Variants in CTNNA1 observed in about 807,000 individuals in gnomAD.
The protein encoded by CTNNA1 is catenin alpha-1.
Under a neutral mutation model 98.4 loss-of-function variants are expected in CTNNA1, and 37 were observed. The observed-to-expected ratio is 0.38, with a 90% CI of 0.29 to 0.49. The LOEUF (loss-of-function observed/expected upper bound fraction) is 0.49. CTNNA1 is among the 20% of genes least tolerant of loss of function. CTNNA1 has a pLI of 0.95. For synonymous variants in CTNNA1, 404 were observed against 413.2 expected (o/e 0.98, Z 0.27); for missense variants, 761 against 1,147.2 (o/e 0.66, Z 4.86).
chr5:138,824,421 G>A, intron 5 of CTNNA1, 109 bp from the exon 6 acceptor site: 1 of 1,155,774 alleles, frequency 8.7e-7, no homozygotes, highest in East Asian at 2.5e-5. Flanking sequence ...TGAAAATAAT[G>A]TGTCTAATTA....
intron 10 of CTNNA1, among the ~76,000 whole-genome samples, chr5:138,907,880 G>A (rs187563514): frequency 6.6e-6 from 1 of 152,242 alleles, no homozygotes; most frequent in African/African-American, 2.4e-5. Flanking sequence ...TTTGGAGTTG[G>A]CTCCTATATG....
chr5:138,817,575 A>G (rs376506468), intron 5 of CTNNA1, among the ~76,000 whole-genome samples: 1 of 152,142 alleles, frequency 6.6e-6, no homozygotes, highest in African/African-American at 2.4e-5. Context: ...ATGCTATCCT[A>G]TAAGTTTTGC....
chr5:138,849,496 C>T (rs1225056600), intron 7 of CTNNA1, among the ~76,000 whole-genome samples: 1 of 152,206 alleles, frequency 6.6e-6, no homozygotes, highest in Admixed American at 6.5e-5. Context: ...CTTTCCCTTT[C>T]ATGTTATAAC....
At chr5:138,840,322 T>A (rs1687711565) in intron 7 of CTNNA1, among the ~76,000 whole-genome samples, 1 of 152,166 alleles carries the variant, frequency 6.6e-6, no homozygotes, top group Admixed American at 6.5e-5. Flanking sequence ...AGTGGCAGTC[T>A]CCATTTCCAG....
At chr5:138,864,004 C>G (rs1322792602) in intron 7 of CTNNA1, among the ~76,000 whole-genome samples, 1 of 152,198 alleles carries the variant, frequency 6.6e-6, no homozygotes, top group African/African-American at 2.4e-5. Context: ...GCTCTGTTAT[C>G]TAGGCTGGAG....
At chr5:138,775,803 A>G (rs113209778) in intron 1 of CTNNA1, among the ~76,000 whole-genome samples, 1,788 of 143,404 alleles carry the variant, frequency 0.012, 42 homozygotes, top group African/African-American at 0.039. Context: ...GTTCACTGCA[A>G]CCTCCGCCTC....
chr5:138,766,796 A>G (rs1215667616), intron 1 of CTNNA1, among the ~76,000 whole-genome samples: 1 of 152,118 alleles, frequency 6.6e-6, no homozygotes, highest in Non-Finnish European at 1.5e-5. Flanking sequence ...GAGAAGCCCT[A>G]TACTTGTGAA....
intron 7 of CTNNA1, among the ~76,000 whole-genome samples, chr5:138,861,365 A>T (rs1339584662): frequency 6.6e-6 from 1 of 152,206 alleles, no homozygotes; most frequent in Non-Finnish European, 1.5e-5. Flanking sequence ...CGATCCTTAC[A>T]TGAAATAGTT....
At chr5:138,805,325 G>C (rs1179652599) in intron 3 of CTNNA1, among the ~76,000 whole-genome samples, 1 of 152,190 alleles carries the variant, frequency 6.6e-6, no homozygotes, top group East Asian at 1.9e-4. Context: ...ACCCTTTGAG[G>C]AACTGCCAGA....
intron 1 of CTNNA1, chr5:138,754,766 A>G (rs1751434348): frequency 6.6e-6 from 1 of 152,284 alleles, no homozygotes; most frequent in Non-Finnish European, 1.5e-5. Context: ...ACTTTTGAAC[A>G]AACATTTTTT....
intron 7 of CTNNA1, among the ~76,000 whole-genome samples, chr5:138,839,886 T>C (rs958681454): frequency 2.6e-5 from 4 of 152,260 alleles, no homozygotes; most frequent in African/African-American, 4.8e-5. Flanking sequence ...TCTGATTTTT[T>C]AGTCCAGAGA....
chr5:138,873,346 A>T lies in CTNNA1; in HGVS notation c.1063-12866A>T. 6.2e-7 allele frequency: 1 copy of T among 1,614,014 alleles called. No homozygotes were observed. Among genetic ancestry groups the T allele is most frequent in the African/African-American group, 1.3e-5 (1 of 75,074 alleles). On this transcript the variant is annotated intron_variant, in intron 7 of 17. Transcript: ENST00000302763. This position sits in a 1 kb window ranked among gnomAD's most constrained non-coding sequence, Gnocchi z 6.1. ...GTTCAGGAAAGTGTTCCTCGGTAGT[A>T]ACTGCTATGCCTGCAGTAGTTGGGA...
intron 13 of CTNNA1, among the ~76,000 whole-genome samples, chr5:138,928,947 A>AC (rs924680791): frequency 7.6e-4 from 115 of 151,996 alleles, no homozygotes; most frequent in Non-Finnish European, 1.3e-3. Flanking sequence ...AAGGAAAAAA[A>AC]AAAACAATCA....
At chr5:138,839,704 T>C (rs138297863) in intron 7 of CTNNA1, among the ~76,000 whole-genome samples, 1 of 152,352 alleles carries the variant, frequency 6.6e-6, no homozygotes, top group Non-Finnish European at 1.5e-5. Context: ...ACTCCATGTG[T>C]TCTGCTCAGG....
rs74981057 is a variant in CTNNA1 at position 138,835,527 on chromosome 5, A to G, written c.1062+7809A>G. ...AGCTTTTCTGTGAGCTGCCTAATAA[A>G]CAGGATTTGGGAGAGTTTATATAAG... On this transcript the variant is annotated intron_variant, in intron 7 of 17. Coordinates refer to ENST00000302763, the MANE Select transcript of CTNNA1 (RefSeq NM_001903.5). Among the ~76,000 whole-genome samples, 1,258 of 152,362 alleles carry G rather than the reference A, an allele frequency of 8.3e-3. 8 individuals carry two copies. The highest frequency in any genetic ancestry group is 0.012 in the Non-Finnish European group (841 of 68,026).
rs192908130 is a variant in CTNNA1, at chr5:138,788,013, T to A, written c.301+4641T>A. On this transcript the variant is annotated intron_variant, in intron 3 of 17. Transcript: ENST00000302763. ...TAATTGTACTACTAATCTGCTTCGT[T>A]TTTGAGTAGCTACCTTATATAGGCA... Among the ~76,000 whole-genome samples, 674 of 152,336 alleles carry A rather than the reference T, an allele frequency of 4.4e-3. 10 individuals carry two copies. Among genetic ancestry groups the A allele is most frequent in the African/African-American group, 0.01 (435 of 41,582 alleles).
intron 3 of CTNNA1, among the ~76,000 whole-genome samples, chr5:138,787,930 G>A (rs1755892898): frequency 6.6e-6 from 1 of 152,196 alleles, no homozygotes; most frequent in African/African-American, 2.4e-5. Flanking sequence ...AGCCACATGT[G>A]GTGGATAGGA....
At chr5:138,885,606 C>T (rs766934141) in intron 7 of CTNNA1, among the ~76,000 whole-genome samples, 3 of 152,122 alleles carry the variant, frequency 2.0e-5, no homozygotes, top group African/African-American at 4.8e-5. Context: ...GAGTGACTAG[C>T]GGGTTCTTTT....
At chr5:138,848,431 A>G (rs557586556) in intron 7 of CTNNA1, among the ~76,000 whole-genome samples, 1 of 152,288 alleles carries the variant, frequency 6.6e-6, no homozygotes, top group Admixed American at 6.5e-5. Flanking sequence ...TCTGATTTCC[A>G]GTAGTTTCAT....
Sources: allele counts gnomAD v4.1 joint callset (sites outside exome capture counted in the v4.1 genomes callset), GRCh38; gene constraint gnomAD v4.1.1; non-coding constraint Gnocchi (gnomAD v3.1); transcripts MANE v1.5; gene names NCBI Gene and HGNC (gene_info 2026-07-23, HGNC 2026-07-21).